The following KMT2E variants were observed in gnomAD, a reference collection of about 807,000 sequenced individuals.
KMT2E encodes the protein lysine methyltransferase 2E (inactive), also known as histone reader KMT2E.
Under a neutral mutation model 184.6 loss-of-function variants are expected in KMT2E, and 30 were observed. That is an observed-to-expected ratio of 0.16 (90% CI 0.12 to 0.22). The LOEUF (loss-of-function observed/expected upper bound fraction) is 0.22. Ranked by LOEUF, KMT2E falls within the 10% of genes least tolerant of loss-of-function variation. The pLI is 1.00. For synonymous variants in KMT2E, 815 were observed against 776.5 expected (o/e 1.05, Z -0.82); for missense variants, 2,023 against 2,237.4 (o/e 0.90, Z 1.93).
At chr7:105,064,075 C>T (rs1440387267) in intron 5 of KMT2E, 1 of 438,392 alleles carries the variant, frequency 2.3e-6, no homozygotes, top group Non-Finnish European at 4.6e-6. Context: ...CCTCCCCCAA[C>T]CCTGGTTCAG....
intron 5 of KMT2E, among the ~76,000 whole-genome samples, chr7:105,065,700 CCT>C (rs771001395): frequency 1.3e-5 from 2 of 152,078 alleles, no homozygotes; most frequent in Admixed American, 1.3e-4. Context: ...CTTCTGCCCC[CCT>C]CTCTCCCTCT....
intron 3 of KMT2E, among the ~76,000 whole-genome samples, chr7:105,042,934 A>G (rs887430127): frequency 1.2e-4 from 19 of 152,186 alleles, no homozygotes; most frequent in Admixed American, 2.6e-4. Context: ...TGGTTATATT[A>G]TTGAAATGTA....
At chr7:105,058,564 A>T (rs1005426558) in intron 3 of KMT2E, among the ~76,000 whole-genome samples, 12 of 152,296 alleles carry the variant, frequency 7.9e-5, no homozygotes, top group Admixed American at 5.9e-4. Context: ...TTAACAAGAG[A>T]ATATACTTAC....
intron 1 of KMT2E, among the ~76,000 whole-genome samples, chr7:105,027,074 C>CTTT (rs34930855): frequency 4.4e-4 from 36 of 81,920 alleles, no homozygotes; most frequent in Non-Finnish European, 6.8e-4. Flanking sequence ...GCCCCGCCCT[C>CTTT]TTTTTTTTTT....
chr7:105,043,580 T>C (rs1382195040), intron 3 of KMT2E, among the ~76,000 whole-genome samples: 1 of 152,102 alleles, frequency 6.6e-6, no homozygotes. Context: ...GTGGCTTAGG[T>C]GATAATTTGT....
intron 1 of KMT2E, among the ~76,000 whole-genome samples, chr7:105,023,531 G>A (rs996154786): frequency 6.8e-6 from 1 of 145,996 alleles, no homozygotes; most frequent in African/African-American, 2.6e-5. Context: ...TGCAAGCTCC[G>A]CCTTCCGGGT....
chr7:105,080,791 ACC>A lies in KMT2E; in HGVS notation c.1249-896_1249-895del, dbSNP rs1306384119. Among the ~76,000 whole-genome samples, 47 of 152,180 alleles carry A rather than the reference ACC, an allele frequency of 3.1e-4. 1 individual carries two copies. Among genetic ancestry groups the A allele is most frequent in the Admixed American group, 3.0e-3 (46 of 15,240 alleles). On this transcript the variant is annotated intron_variant, in intron 12 of 26. Transcript: ENST00000311117. ...TTTGGGAGGCCAAAGTGGGTGGATC[ACC>A]TGAGGTCAGGAGTTCAAGACCAGCC... is the stretch of plus-strand genomic sequence containing the variant.
chr7:105,094,664 A>T (rs1397884116), intron 15 of KMT2E, among the ~76,000 whole-genome samples: 1 of 152,164 alleles, frequency 6.6e-6, no homozygotes, highest in Non-Finnish European at 1.5e-5. Flanking sequence ...GATAAACTCC[A>T]TGTAATCACC....
chr7:105,015,709 G>T (rs180983371), intron 1 of KMT2E, among the ~76,000 whole-genome samples: 75 of 152,086 alleles, frequency 4.9e-4, no homozygotes, highest in Non-Finnish European at 9.9e-4. Context: ...AATCTAATCA[G>T]CTCGGGTCCT....
intron 12 of KMT2E, among the ~76,000 whole-genome samples, chr7:105,079,832 T>C (rs111726967): frequency 1.0e-4 from 3 of 28,934 alleles, no homozygotes; most frequent in Middle Eastern, 0.014. Context: ...TTTAAATCAT[T>C]ATTATTATTA....
At chr7:105,044,384 T>C (rs1457770412) in intron 3 of KMT2E, among the ~76,000 whole-genome samples, 2 of 152,224 alleles carry the variant, frequency 1.3e-5, no homozygotes, top group African/African-American at 4.8e-5. Flanking sequence ...TTAAGGACTT[T>C]AAGGTATTTT....
Position 105,102,151 on chromosome 7 carries a change from C to T in KMT2E, c.2153C>T (p.Pro718Leu). 6.2e-7 allele frequency: 1 copy of T among 1,611,814 alleles called. No individual in the cohort carries two copies. Among genetic ancestry groups the T allele is most frequent in the Admixed American group, 1.7e-5 (1 of 59,544 alleles). ...GAAATAATTACTGAAACTGAAGTTC[C>T]AGCACTTAATAAATGTCCTACCAAG... ...LAEIITETEV[P>L]ALNKCPTKYP... is the part of the protein sequence containing the mutation. The change falls in exon 17 of 27, where the codon CCA (proline) becomes CTA (leucine). Residue 718 changes from proline to leucine, a missense_variant. Coordinates refer to ENST00000311117, the MANE Select transcript of KMT2E (RefSeq NM_182931.3).
At position 105,105,995 on chromosome 7, in the gene KMT2E, C is replaced by A. The variant is rs147624119; in HGVS notation, c.2588C>A (p.Ser863Tyr). 3.7e-6 allele frequency: 6 copies of A among 1,605,816 alleles called. No homozygotes were observed. The East Asian group carries it at 8.9e-5, about 24-fold the overall frequency. The change falls in exon 19 of 27, where the codon TCC (serine) becomes TAC (tyrosine). Residue 863 changes from serine to tyrosine, a missense_variant. Coordinates refer to ENST00000311117, the MANE Select transcript of KMT2E (RefSeq NM_182931.3). ...KSPLLLNDSCSLPDLTTPLKK... is the reference protein window; with the variant it reads ...KSPLLLNDSCYLPDLTTPLKK... ...CCACTACTATTAAATGACAGCTGTT[C>A]CCTTCCAGGTAGAATTTTTTTTTCA...
Position 105,108,932 on chromosome 7 carries a change from C to G in KMT2E, c.3469-10C>G. The stretch of plus-strand genomic sequence containing the variant: ...AAAAGATTTGCTTTTTCTCATCTTT[C>G]TTGCTTAAGGTTTCTCTATTAGAAT... On this transcript the variant is annotated splice_polypyrimidine_tract_variant and intron_variant, in intron 22 of 26. Coordinates refer to ENST00000311117, the MANE Select transcript of KMT2E (RefSeq NM_182931.3). 6.3e-7 allele frequency: 1 copy of G among 1,579,522 alleles called. No individual in the cohort carries two copies. The highest frequency in any genetic ancestry group is 8.6e-7 in the Non-Finnish European group (1 of 1,158,004).
chr7:105,070,836 T>G (rs1797254524), intron 6 of KMT2E, among the ~76,000 whole-genome samples: 1 of 151,984 alleles, frequency 6.6e-6, no homozygotes, highest in Non-Finnish European at 1.5e-5. Flanking sequence ...TTTTTTGTAT[T>G]TTATTTACCT....
At chr7:105,087,623 C>T (rs980514297) in intron 13 of KMT2E, among the ~76,000 whole-genome samples, 5 of 151,718 alleles carry the variant, frequency 3.3e-5, no homozygotes, top group African/African-American at 9.7e-5. Context: ...GGGGTTTCAC[C>T]GTGTTGCCCA....
intron 7 of KMT2E, 104 bp downstream of exon 7, chr7:105,073,781 T>C: frequency 1.4e-6 from 1 of 693,120 alleles, no homozygotes. Context: ...TAAATGTAAA[T>C]ACCTTGTTGA....
In KMT2E at chr7:105,023,598, G is replaced by C. The variant is rs142267982; in HGVS notation, c.-189+9063G>C. 3.6e-3 allele frequency among the ~76,000 whole-genome samples: 539 copies of C among 151,478 alleles called. 14 individuals carry two copies. In the East Asian group the frequency reaches 0.061, roughly 17 times the overall value. On this transcript the variant is annotated intron_variant, in intron 1 of 26. Transcript: ENST00000311117. ...TAGCAGGGACTACAGGTGCCCACCA[G>C]CAGGCCTGGCTAATTTTTTTGTATT...
intron 1 of KMT2E, among the ~76,000 whole-genome samples, chr7:105,037,701 C>T (rs901981781): frequency 2.0e-5 from 3 of 152,166 alleles, no homozygotes; most frequent in Admixed American, 6.5e-5. Context: ...AAGGCAGCTT[C>T]AGTCTTCCAG....
Sources: allele counts gnomAD v4.1 joint callset (sites outside exome capture counted in the v4.1 genomes callset), GRCh38; gene constraint gnomAD v4.1.1; transcripts MANE v1.5; gene names NCBI Gene and HGNC (gene_info 2026-07-23, HGNC 2026-07-21).